The following UACA variants were observed in gnomAD, a reference collection of about 807,000 sequenced individuals.
The protein encoded by UACA is nuclear membrane binding protein.
Under a neutral mutation model 160.5 loss-of-function variants are expected in UACA, and 112 were observed. That is an observed-to-expected ratio of 0.70 (90% CI 0.60 to 0.82). The LOEUF is 0.82. Among genes scored for constraint, UACA ranks in the 40% least tolerant of loss-of-function variants. The pLI is 0.00. For synonymous variants in UACA, 557 were observed against 568.4 expected (o/e 0.98, Z 0.29); for missense variants, 1,574 against 1,614.6 (o/e 0.97, Z 0.43).
At chr15:70,689,806 C>T (rs1247192994) in intron 5 of UACA, among the ~76,000 whole-genome samples, 4 of 151,866 alleles carry the variant, frequency 2.6e-5, no homozygotes, top group Non-Finnish European at 5.9e-5. Context: ...AAGAATAATG[C>T]AAATAAATTT....
At chr15:70,703,391 C>T in intron 1 of UACA, 1 of 729,642 alleles carries the variant, frequency 1.4e-6, no homozygotes, top group Non-Finnish European at 1.9e-6. Context: ...AATCTGTTTC[C>T]TACTAAATTT....
At chr15:70,723,464 C>A (rs1381773111) in intron 1 of UACA, among the ~76,000 whole-genome samples, 2 of 152,182 alleles carry the variant, frequency 1.3e-5, no homozygotes, top group Non-Finnish European at 2.9e-5. Flanking sequence ...CCCCTCCTTA[C>A]CTCTAAAGTA....
At chr15:70,714,748 T>C (rs1898778009) in intron 1 of UACA, among the ~76,000 whole-genome samples, 1 of 152,224 alleles carries the variant, frequency 6.6e-6, no homozygotes. Flanking sequence ...CCGGTTTGAT[T>C]CTATTCTAGT....
chr15:70,743,726 A>C (rs1309485747), intron 1 of UACA, among the ~76,000 whole-genome samples: 1 of 152,232 alleles, frequency 6.6e-6, no homozygotes, highest in East Asian at 1.9e-4. Context: ...TTCTAGTCCC[A>C]GTAAGAGGCT....
chr15:70,720,010 A>G (rs893854208), intron 1 of UACA, among the ~76,000 whole-genome samples: 4 of 152,070 alleles, frequency 2.6e-5, no homozygotes, highest in Non-Finnish European at 5.9e-5. Flanking sequence ...TGTAATCCCC[A>G]ATGTTGGAGG....
chr15:70,738,580 T>C (rs1334554221), intron 1 of UACA, among the ~76,000 whole-genome samples: 2 of 152,146 alleles, frequency 1.3e-5, no homozygotes, highest in African/African-American at 2.4e-5. Context: ...CTCCTTCTAC[T>C]TTCTCCCTCT....
At position 70,679,662 on chromosome 15, in the gene UACA, G is replaced by A; in HGVS notation, c.837C>T (p.His279=). The A allele has an allele frequency of 6.3e-7, 1 of 1,589,124 alleles. No individual in the cohort carries two copies. Residue 279 remains histidine, a synonymous_variant, in exon 10 of 19, where the codon CAC becomes CAT. Coordinates refer to ENST00000322954, the MANE Select transcript of UACA (RefSeq NM_018003.4). Reference sequence around the variant, plus strand: ...ACTTCACATTTACTTCATCTTGCATGTGTGTCAAATTTCGCTTTGGTAAAA... The same window carrying A: ...ACTTCACATTTACTTCATCTTGCATATGTGTCAAATTTCGCTTTGGTAAAA... ...GPSLQQRNLT[H]MQDEVNVKSH...
chr15:70,747,267 T>A (rs1273983910), intron 1 of UACA, among the ~76,000 whole-genome samples: 3 of 136,232 alleles, frequency 2.2e-5, no homozygotes, highest in African/African-American at 3.2e-5. Context: ...TTTTTTTAGA[T>A]GGAGTCTTGC....
At chr15:70,700,664 G>A (rs1441712967) in intron 1 of UACA, among the ~76,000 whole-genome samples, 2 of 151,920 alleles carry the variant, frequency 1.3e-5, no homozygotes, top group Non-Finnish European at 2.9e-5. Flanking sequence ...AAGGTATTCT[G>A]AAGCCAATAA....
intron 17 of UACA, among the ~76,000 whole-genome samples, chr15:70,662,198 G>T (rs192965686): frequency 7.8e-4 from 119 of 152,236 alleles, no homozygotes; most frequent in African/African-American, 2.7e-3. Context: ...AAAATCACAA[G>T]CATTCTTATA....
At chr15:70,725,730 G>C (rs1328127633) in intron 1 of UACA, among the ~76,000 whole-genome samples, 1 of 152,158 alleles carries the variant, frequency 6.6e-6, no homozygotes, top group Non-Finnish European at 1.5e-5. Context: ...GGATACAAAT[G>C]TACCTGAGTG....
chr15:70,777,246 G>A, the UACA span, among the ~76,000 whole-genome samples: 2 of 152,128 alleles, frequency 1.3e-5, no homozygotes, highest in African/African-American at 4.8e-5. Flanking sequence ...TTGTGGGGAG[G>A]AAATAGAGAA....
chr15:70,754,230 G>C, intron 1 of UACA: 1 of 449,238 alleles, frequency 2.2e-6, no homozygotes. Context: ...ATTACAGACA[G>C]TCCCCAACTT....
chr15:70,744,852 T>C (rs1899653317), intron 1 of UACA, among the ~76,000 whole-genome samples: 1 of 152,122 alleles, frequency 6.6e-6, no homozygotes, highest in South Asian at 2.1e-4. Flanking sequence ...TATTAACCAG[T>C]AGAAAGAACA....
intron 15 of UACA, 39 bp from the exon 16 acceptor site, chr15:70,669,501 TA>T: frequency 6.9e-7 from 1 of 1,459,152 alleles, no homozygotes; most frequent in Non-Finnish European, 9.2e-7. Flanking sequence ...CACAAAAGCC[TA>T]AATGAGACAT....
intron 10 of UACA, among the ~76,000 whole-genome samples, chr15:70,679,403 T>TAAATAAAC (rs1165118640): frequency 9.4e-4 from 1 of 1,068 alleles, no homozygotes; most frequent in Non-Finnish European, 5.5e-3. Context: ...ACCCCATCTC[T>TAAATAAAC]AAATAAATAA....
At chr15:70,723,634 CTT>C (rs71845744) in intron 1 of UACA, among the ~76,000 whole-genome samples, 5,115 of 138,890 alleles carry the variant, frequency 0.037, 103 homozygotes, top group Middle Eastern at 0.079. Context: ...CAACTTTTTC[CTT>C]TTTTTTTTTT....
In UACA at chr15:70,668,462, T is replaced by C. The variant is rs1434816509; in HGVS notation, c.2222A>G (p.Lys741Arg). ...TACTTTTAAAGGAACATAATGATTT[T>C]TCATTTCAATTGTTAAGTTATGTGC... Reference protein sequence around the residue: ...EQAHNLTIEMKNHYVPLKVSE... With the variant: ...EQAHNLTIEMRNHYVPLKVSE... Residue 741 changes from lysine to arginine, a missense_variant, in exon 16 of 19, where the codon AAA becomes AGA. Transcript: ENST00000322954. 2 of 1,612,326 alleles carry C rather than the reference T, an allele frequency of 1.2e-6. No homozygotes were observed. Among genetic ancestry groups the C allele is most frequent in the South Asian group, 1.1e-5 (1 of 90,856 alleles).
intron 1 of UACA, chr15:70,758,347 T>C (rs2030550830): frequency 6.6e-6 from 1 of 152,232 alleles, no homozygotes; most frequent in South Asian, 2.1e-4. Flanking sequence ...CATAGGAAGT[T>C]GTCTGAATAC....
Sources: gnomAD v4.1 joint callset for allele counts (sites outside exome capture counted in the v4.1 genomes callset) on GRCh38, gnomAD v4.1.1 for gene constraint, MANE v1.5 for transcripts, NCBI Gene and HGNC (gene_info 2026-07-23, HGNC 2026-07-21) for gene names.